The following CLCN5 variants were observed in gnomAD, a reference collection of about 807,000 sequenced individuals.
CLCN5 encodes H(+)/Cl(-) exchange transporter 5.
A neutral mutation model predicts 54.0 loss-of-function variants in CLCN5; 17 were observed. The ratio of observed to expected loss-of-function variants is 0.31; its 90% CI spans 0.22 to 0.47. CLCN5 has a LOEUF of 0.47. Ranked by LOEUF, CLCN5 falls within the 20% of genes least tolerant of loss-of-function variation. The pLI is 1.00. For missense variants in CLCN5, 448 were observed against 646.7 expected, an observed-to-expected ratio of 0.69 and a Z score of 3.33; for synonymous variants, 222 against 233.0, an observed-to-expected ratio of 0.95 and a Z score of 0.43.
chrX:50,029,679 A>G (rs1422453921), intron 3 of CLCN5, among the ~76,000 whole-genome samples: 1 of 111,832 alleles, frequency 8.9e-6, no homozygotes, highest in Non-Finnish European at 1.9e-5. Context: ...TCAAAACCAC[A>G]ATGAGATACC....
intron 4 of CLCN5, among the ~76,000 whole-genome samples, chrX:50,062,573 C>A (rs1932874460): frequency 1.5e-5 from 1 of 65,953 alleles, no homozygotes; most frequent in Non-Finnish European, 2.6e-5. Context: ...ACTTTAACAC[C>A]CCACTGTCAA....
intron 3 of CLCN5, among the ~76,000 whole-genome samples, chrX:49,980,432 A>G (rs1928678926): frequency 8.9e-6 from 1 of 112,137 alleles, no homozygotes; most frequent in Non-Finnish European, 1.9e-5. Flanking sequence ...GTTTCACTTA[A>G]TGGCTGAAAT....
rs1343090394 is a variant in CLCN5, at chrX:50,055,060, CAG to C, written c.163+12599_163+12600del. Among the ~76,000 whole-genome samples the C allele has an allele frequency of 2.7e-5, 3 of 111,340 alleles. No individual in the cohort carries two copies. The Admixed American group carries it at 2.9e-4, about 11-fold the overall frequency. ...ACCACATGCCAGAAATGTTGGGTCT[CAG>C]TGAGATACTAGATTGTCCTGTACCT... is the stretch of plus-strand genomic sequence containing the variant. On this transcript the variant is annotated intron_variant, in intron 4 of 14. Transcript: ENST00000376091.
intron 3 of CLCN5, among the ~76,000 whole-genome samples, chrX:49,994,045 G>C (rs1178891960): frequency 1.8e-5 from 2 of 111,827 alleles, no homozygotes; most frequent in Non-Finnish European, 3.8e-5. Context: ...TAAATACCGG[G>C]GTTAAAAGAG....
intron 3 of CLCN5, among the ~76,000 whole-genome samples, chrX:49,943,883 C>T (rs7050190): frequency 0.15 from 16,396 of 110,253 alleles, 3,124 homozygotes; most frequent in African/African-American, 0.52. Context: ...CTTGGCAATG[C>T]GGGCTCTTTT....
chrX:50,054,283 T>A (rs191053561), intron 4 of CLCN5, among the ~76,000 whole-genome samples: 1 of 111,230 alleles, frequency 9.0e-6, no homozygotes, highest in East Asian at 2.8e-4. Flanking sequence ...TTCCCCTGCT[T>A]TAGGTGAGAT....
intron 4 of CLCN5, among the ~76,000 whole-genome samples, chrX:50,063,825 G>T (rs1311026633): frequency 2.9e-3 from 316 of 110,485 alleles, no homozygotes; most frequent in Non-Finnish European, 4.4e-3. Flanking sequence ...TCAAGTGGGC[G>T]TCATCCCTGG....
chrX:50,009,006 A>G (rs1048552733), intron 3 of CLCN5: 1 of 380,830 alleles, frequency 2.6e-6, no homozygotes, highest in African/African-American at 2.5e-5. Context: ...TTTCAGTGCA[A>G]CACACCTATT....
At chrX:49,971,287 A>G (rs1344277561) in intron 3 of CLCN5, among the ~76,000 whole-genome samples, 1 of 103,681 alleles carries the variant, frequency 9.6e-6, no homozygotes, top group Non-Finnish European at 1.9e-5. Flanking sequence ...ATTTATATAT[A>G]TTTATATATA....
intron 3 of CLCN5, among the ~76,000 whole-genome samples, 168 bp downstream of exon 3, chrX:49,925,482 A>G (rs1557167903): frequency 8.9e-6 from 1 of 112,865 alleles, no homozygotes; most frequent in Non-Finnish European, 1.9e-5. Flanking sequence ...AGCTGCTGCT[A>G]GCTATAAGTT....
intron 3 of CLCN5, among the ~76,000 whole-genome samples, chrX:50,037,001 T>C (rs1932028269): frequency 8.9e-6 from 1 of 112,295 alleles, no homozygotes; most frequent in Non-Finnish European, 1.9e-5. Flanking sequence ...AATGTAAATC[T>C]CAGAGTGAGA....
rs781912440 is a variant in CLCN5, at chrX:50,086,644, A to G, written c.1331A>G (p.Asn444Ser). 126 of 1,208,545 alleles carry G rather than the reference A, an allele frequency of 1.0e-4. No individual in the cohort carries two copies. The highest frequency in any genetic ancestry group is 1.6e-4 in the African/African-American group (9 of 56,781). ...TAITAILAFP[N>S]EYTRMSTSEL... Reference sequence around the variant, plus strand: ...ATCACTGCCATCCTGGCTTTCCCCAATGAATACACTCGGATGAGCACAAGT... The same window carrying G: ...ATCACTGCCATCCTGGCTTTCCCCAGTGAATACACTCGGATGAGCACAAGT... Residue 444 changes from asparagine to serine, a missense_variant, in exon 11 of 15, where the codon AAT becomes AGT. Physicochemically the swap from Asn to Ser is conservative, Grantham distance 46 (BLOSUM62 1). Transcript: ENST00000376091.
At chrX:50,089,596 G>A (rs910712148) in intron 12 of CLCN5, among the ~76,000 whole-genome samples, 1 of 112,214 alleles carries the variant, frequency 8.9e-6, no homozygotes, top group Admixed American at 9.4e-5. Flanking sequence ...AAACAAGAAG[G>A]CATCTTGGAC....
chrX:50,042,982 A>G (rs1211062112), intron 4 of CLCN5, among the ~76,000 whole-genome samples: 5 of 111,489 alleles, frequency 4.5e-5, no homozygotes, highest in Non-Finnish European at 7.5e-5. Flanking sequence ...CTGCACCCTT[A>G]ACAGCACTTG....
intron 3 of CLCN5, among the ~76,000 whole-genome samples, chrX:50,026,112 A>C (rs1931375736): frequency 9.0e-6 from 1 of 111,201 alleles, no homozygotes; most frequent in Admixed American, 9.5e-5. Flanking sequence ...ATGTTTTTTA[A>C]TTTTTCTTTA....
chrX:49,966,595 TTTTTTTTTTTTTTTTTATTTTTTTA>T (rs1191197718), intron 3 of CLCN5, among the ~76,000 whole-genome samples: 1 of 13,987 alleles, frequency 7.1e-5, no homozygotes, highest in Non-Finnish European at 1.4e-4. Context: ...TGATCTTTTT[TTTTTTTTTTTTTTTTTATTTTTTTA>T]TTTTTTTTAT....
Position 49,992,942 on chromosome X carries a change from T to C in CLCN5, c.17-49374T>C, listed in dbSNP as rs1929337414. On this transcript the variant is annotated intron_variant, in intron 3 of 14. Coordinates refer to ENST00000376091, the MANE Select transcript of CLCN5 (RefSeq NM_001127898.4). ...GGGTGTGTAACTGGTGTGCTGTCATTTCCTTGAGCTAACTAGGGAGAACTT... is the reference window on the plus strand; with the variant it reads ...GGGTGTGTAACTGGTGTGCTGTCATCTCCTTGAGCTAACTAGGGAGAACTT... 2.7e-5 allele frequency among the ~76,000 whole-genome samples: 3 copies of C among 111,977 alleles called. No individual in the cohort carries two copies. In the South Asian group the frequency reaches 1.1e-3, roughly 42 times the overall value.
chrX:50,042,487 T>A, intron 4 of CLCN5, 25 bp downstream of exon 4: 1 of 975,792 alleles, frequency 1.0e-6, no homozygotes. Flanking sequence ...GATGATAATT[T>A]ATCTTAATTT....
intron 4 of CLCN5, among the ~76,000 whole-genome samples, chrX:50,060,506 A>ACGCC (rs1932837114): frequency 1.9e-5 from 2 of 106,981 alleles, no homozygotes; most frequent in South Asian, 4.5e-4. Flanking sequence ...GGAGGGTCCT[A>ACGCC]CGCCCACGGA....
Sources: gnomAD v4.1 joint callset for allele counts (sites outside exome capture counted in the v4.1 genomes callset) on GRCh38, gnomAD v4.1.1 for gene constraint, MANE v1.5 for transcripts, NCBI Gene and HGNC (gene_info 2026-07-23, HGNC 2026-07-21) for gene names.